Variants in WLS observed in about 807,000 individuals in gnomAD.
WLS encodes Wnt ligand secretion mediator, also known as protein wntless homolog.
WLS carries 23 observed loss-of-function variants against 62.8 expected under a neutral mutation model. That is an observed-to-expected ratio of 0.37 (90% confidence interval 0.26 to 0.52). WLS has a LOEUF of 0.52. WLS is among the 20% of genes least tolerant of loss of function. The pLI is 0.92. For synonymous variants in WLS, 246 were observed against 244.1 expected, an observed-to-expected ratio of 1.01 and a Z score of -0.07; for missense variants, 615 against 697.3, an observed-to-expected ratio of 0.88 and a Z score of 1.33.
At chr1:68,161,038 CCG>C (rs1646964817) in intron 2 of WLS, among the ~76,000 whole-genome samples, 2 of 152,198 alleles carry the variant, frequency 1.3e-5, no homozygotes, top group African/African-American at 4.8e-5. Flanking sequence ...TCTTCTTGAA[CCG>C]TTTTAGCTCA....
At chr1:68,222,789 A>G (rs1351570231) in intron 1 of WLS, among the ~76,000 whole-genome samples, 1 of 151,954 alleles carries the variant, frequency 6.6e-6, no homozygotes, top group Admixed American at 6.6e-5. Flanking sequence ...ACCAAAGTGT[A>G]TGGATACAAT....
intron 9 of WLS, among the ~76,000 whole-genome samples, chr1:68,145,618 C>T (rs1023131390): frequency 1.3e-4 from 20 of 151,940 alleles, no homozygotes; most frequent in Admixed American, 8.5e-4. Context: ...GCTGAAGAAC[C>T]GGCTGAACAA....
intron 2 of WLS, among the ~76,000 whole-genome samples, chr1:68,168,248 T>C (rs556005243): frequency 1.0e-3 from 153 of 152,240 alleles, no homozygotes; most frequent in African/African-American, 3.5e-3. Flanking sequence ...AGAGCCTTAA[T>C]TGAGGAAGAC....
At chr1:68,159,415 C>A (rs535088160) in intron 2 of WLS, among the ~76,000 whole-genome samples, 168 bp from the exon 3 acceptor site, 2 of 152,242 alleles carry the variant, frequency 1.3e-5, no homozygotes, top group Admixed American at 6.5e-5. Context: ...GGATGAAAGT[C>A]TAAGCCAAAT....
chr1:68,169,952 C>T (rs546202492), intron 2 of WLS, among the ~76,000 whole-genome samples: 4 of 152,286 alleles, frequency 2.6e-5, no homozygotes, highest in East Asian at 1.9e-4. Context: ...GCTTTGGAGA[C>T]AGACAGGCTG....
chr1:68,099,553 C>T (rs1382765941), intron 11 of WLS, among the ~76,000 whole-genome samples: 1 of 152,168 alleles, frequency 6.6e-6, no homozygotes, highest in Non-Finnish European at 1.5e-5. Flanking sequence ...ACTCAAGTCC[C>T]TTATGTAAAA....
intron 2 of WLS, among the ~76,000 whole-genome samples, chr1:68,164,822 G>A (rs1460849226): frequency 6.6e-6 from 1 of 152,166 alleles, no homozygotes; most frequent in Non-Finnish European, 1.5e-5. Context: ...GATCCAAGGA[G>A]AGACTCTGGA....
chr1:68,209,468 G>A (rs1296756159), intron 1 of WLS, among the ~76,000 whole-genome samples: 2 of 152,190 alleles, frequency 1.3e-5, no homozygotes, highest in Admixed American at 1.3e-4. Flanking sequence ...TTAACAGGGT[G>A]ATTTTCATTC....
intron 2 of WLS, among the ~76,000 whole-genome samples, chr1:68,191,124 C>A (rs963796647): frequency 1.3e-4 from 19 of 151,490 alleles, no homozygotes; most frequent in African/African-American, 4.4e-4. Flanking sequence ...TGTTACCCAG[C>A]ATTATTAATA....
chr1:68,146,928 C>A (rs565101585), intron 8 of WLS, among the ~76,000 whole-genome samples: 1 of 151,926 alleles, frequency 6.6e-6, no homozygotes, highest in Non-Finnish European at 1.5e-5. Flanking sequence ...TTTTGTTGCC[C>A]GGGCTGAAGT....
intron 11 of WLS, among the ~76,000 whole-genome samples, chr1:68,099,265 TATACTC>T (rs1646047322): frequency 1.3e-5 from 2 of 152,120 alleles, no homozygotes; most frequent in African/African-American, 4.8e-5. Flanking sequence ...TGCAAAGAGA[TATACTC>T]AGAGACAGGA....
chr1:68,125,994 T>A lies in WLS; in HGVS notation c.*232A>T. The A allele has an allele frequency of 1.5e-6, 2 of 1,333,684 alleles. No homozygotes were observed. Among genetic ancestry groups the A allele is most frequent in the Non-Finnish European group, 1.9e-6 (2 of 1,039,642 alleles). 82.6% of individuals were successfully genotyped at this position (1,333,684 alleles called of 1,614,324 possible). A position where few individuals can be genotyped will look rare whatever the true frequency, so the allele number is the denominator to read the frequency against. On this transcript the variant is annotated 3_prime_UTR_variant, in exon 12 of 12. Transcript: ENST00000262348. The stretch of plus-strand genomic sequence containing the variant: ...ATTAACAATGATCACAGAAAATGTG[T>A]CATACCAGAGTTTTTGTTATCATAC...
At chr1:68,100,874 A>G (rs1385569991) in intron 11 of WLS, 1 of 152,198 alleles carries the variant, frequency 6.6e-6, no homozygotes, top group East Asian at 1.9e-4. Flanking sequence ...AAGCACTGAT[A>G]AGTCTCCAGC....
intron 10 of WLS, among the ~76,000 whole-genome samples, chr1:68,140,257 C>T (rs2100432041): frequency 6.6e-6 from 1 of 152,308 alleles, no homozygotes. Context: ...AGAAGGTATT[C>T]TTAACCATTA....
At position 68,146,824 on chromosome 1, in the gene WLS, G is replaced by A. The variant is rs17130525; in HGVS notation, c.1135-812C>T. ...GAGAACCACCAAGTCTTAGGATAGCGTGAGCTGCCTTGGAAGGCAGATGAC... is the reference window on the plus strand; with the variant it reads ...GAGAACCACCAAGTCTTAGGATAGCATGAGCTGCCTTGGAAGGCAGATGAC... On this transcript the variant is annotated intron_variant, in intron 8 of 11. Coordinates refer to ENST00000262348, the MANE Select transcript of WLS (RefSeq NM_024911.7). Among the ~76,000 whole-genome samples, 1,043 of 152,234 alleles carry A rather than the reference G, an allele frequency of 6.9e-3. 10 individuals are homozygous for A. The highest frequency in any genetic ancestry group is 0.024 in the African/African-American group (1,007 of 41,556).
chr1:68,205,166 G>GA (rs1439188672), intron 1 of WLS, among the ~76,000 whole-genome samples: 7 of 152,194 alleles, frequency 4.6e-5, no homozygotes, highest in Admixed American at 1.3e-4. Flanking sequence ...GAAGAAGCCA[G>GA]AGCTGCCTTC....
At chr1:68,117,581 G>A (rs11209218) in intron 11 of WLS, 38,155 of 152,422 alleles carry the variant, frequency 0.25, 4,925 homozygotes, top group East Asian at 0.41. Context: ...GAGCTCCAGG[G>A]ACCCTGGCCA....
rs187991097 is a variant in WLS, at chr1:68,197,516, G to A, written c.107-3289C>T. 4.6e-5 allele frequency among the ~76,000 whole-genome samples: 7 copies of A among 152,190 alleles called. No individual in the cohort carries two copies. The East Asian group carries it at 1.3e-3, about 29-fold the overall frequency. On this transcript the variant is annotated intron_variant, in intron 1 of 11. Coordinates refer to ENST00000262348, the MANE Select transcript of WLS (RefSeq NM_024911.7). ...CAACATTTTCCGTTTTTCTAATAGT[G>A]TTCAAAAGAGAAAACACAAGTATTG...
chr1:68,174,247 C>T (rs140305542), intron 2 of WLS, among the ~76,000 whole-genome samples: 101 of 152,314 alleles, frequency 6.6e-4, no homozygotes, highest in African/African-American at 2.4e-3. Context: ...ATACCTCCAT[C>T]GCCCTGGTGA....
Sources: gnomAD v4.1 joint callset for allele counts (sites outside exome capture counted in the v4.1 genomes callset) on GRCh38, gnomAD v4.1.1 for gene constraint, MANE v1.5 for transcripts, NCBI Gene and HGNC (gene_info 2026-07-23, HGNC 2026-07-21) for gene names.